ST18: variants seen among roughly 807,000 people sequenced by gnomAD.
The protein encoded by ST18 is suppression of tumorigenicity 18 protein.
ST18 carries 50 observed loss-of-function variants against 110.0 expected under a neutral mutation model. The observed-to-expected ratio is 0.45, with a 90% CI of 0.36 to 0.58. ST18 has a LOEUF of 0.58. ST18 is among the 20% of genes least tolerant of loss of function. The pLI is 0.00. For missense variants in ST18, 1,306 were observed against 1,280.1 expected, an observed-to-expected ratio of 1.02 and a Z score of -0.31; for synonymous variants, 461 against 452.4, an observed-to-expected ratio of 1.02 and a Z score of -0.24.
intron 18 of ST18, among the ~76,000 whole-genome samples, chr8:52,137,006 G>A (rs1056131845): frequency 2.0e-5 from 3 of 152,190 alleles, no homozygotes; most frequent in African/African-American, 7.2e-5. Context: ...TCCCATCAAT[G>A]GAGATGGTGA....
At chr8:52,229,039 G>T (rs1258154713) in intron 3 of ST18, among the ~76,000 whole-genome samples, 2 of 152,130 alleles carry the variant, frequency 1.3e-5, no homozygotes, top group Non-Finnish European at 2.9e-5. Context: ...CTCTGAGTTG[G>T]CAATAACTAT....
At chr8:52,202,844 A>G (rs1468198356) in intron 8 of ST18, among the ~76,000 whole-genome samples, 2 of 152,232 alleles carry the variant, frequency 1.3e-5, no homozygotes, top group African/African-American at 4.8e-5. Context: ...TTGAAAAAAC[A>G]GAATTTGTTG....
At chr8:52,197,860 C>T (rs562131176) in intron 8 of ST18, among the ~76,000 whole-genome samples, 2 of 149,932 alleles carry the variant, frequency 1.3e-5, no homozygotes, top group South Asian at 4.2e-4. Flanking sequence ...GATAGAGACC[C>T]ACAGAGGGAA....
chr8:52,314,261 C>T (rs2095980715), intron 2 of ST18, among the ~76,000 whole-genome samples: 3 of 152,332 alleles, frequency 2.0e-5, no homozygotes, highest in South Asian at 2.1e-4. Flanking sequence ...AGTGGCATTG[C>T]CTCCAGGCCA....
chr8:52,161,101 A>T (rs956074969), intron 14 of ST18, among the ~76,000 whole-genome samples: 5 of 152,252 alleles, frequency 3.3e-5, no homozygotes, highest in Admixed American at 3.3e-4. Flanking sequence ...TTTCTTTAGA[A>T]TTATTGTACT....
At chr8:52,394,652 T>C (rs1255070758) in intron 2 of ST18, among the ~76,000 whole-genome samples, 1 of 152,228 alleles carries the variant, frequency 6.6e-6, no homozygotes, top group Non-Finnish European at 1.5e-5. Context: ...AGGGAAGTTA[T>C]AAAACAGCAT....
At chr8:52,135,681 T>G (rs2051893992) in intron 19 of ST18, among the ~76,000 whole-genome samples, 4 of 152,050 alleles carry the variant, frequency 2.6e-5, no homozygotes, top group Non-Finnish European at 4.4e-5. Flanking sequence ...ATTCCAAATT[T>G]TCATATCTGT....
intron 2 of ST18, among the ~76,000 whole-genome samples, chr8:52,321,589 G>A (rs747746096): frequency 2.7e-4 from 41 of 152,176 alleles, no homozygotes; most frequent in Non-Finnish European, 5.1e-4. Flanking sequence ...AGCTGTGAAA[G>A]GAGAACAGCC....
chr8:52,153,521 A>G (rs890032983), intron 15 of ST18, among the ~76,000 whole-genome samples: 11 of 152,216 alleles, frequency 7.2e-5, no homozygotes, highest in African/African-American at 2.7e-4. Context: ...AAAATATCTT[A>G]CTCTTACTAA....
At chr8:52,188,908 G>A (rs2134671308) in intron 8 of ST18, among the ~76,000 whole-genome samples, 1 of 152,348 alleles carries the variant, frequency 6.6e-6, no homozygotes. Flanking sequence ...GGTAGGACTT[G>A]CAGAAGCAGG....
At chr8:52,165,964 C>A (rs1271351381) in intron 11 of ST18, among the ~76,000 whole-genome samples, 1 of 152,162 alleles carries the variant, frequency 6.6e-6, no homozygotes, top group African/African-American at 2.4e-5. Flanking sequence ...TAGCTCACAG[C>A]GGGGCTGAGG....
At chr8:52,357,711 AT>A (rs1823635945) in intron 2 of ST18, among the ~76,000 whole-genome samples, 4 of 82,986 alleles carry the variant, frequency 4.8e-5, no homozygotes, top group Non-Finnish European at 8.3e-5. Context: ...ATATATATAT[AT>A]ATATATATAT....
intron 2 of ST18, among the ~76,000 whole-genome samples, chr8:52,372,084 T>A (rs540571413): frequency 6.6e-6 from 1 of 152,312 alleles, no homozygotes; most frequent in South Asian, 2.1e-4. Flanking sequence ...TCCTCGTATG[T>A]TGTTGCCCCT....
chr8:52,188,337 G>T (rs946664915), intron 8 of ST18, among the ~76,000 whole-genome samples: 2 of 152,188 alleles, frequency 1.3e-5, no homozygotes, highest in Non-Finnish European at 2.9e-5. Flanking sequence ...GGTTAGATAA[G>T]GGAGAAAATG....
chr8:52,388,520 T>G (rs888645080), intron 2 of ST18, among the ~76,000 whole-genome samples: 8 of 152,154 alleles, frequency 5.3e-5, no homozygotes, highest in Non-Finnish European at 1.2e-4. Flanking sequence ...GGTTTCCATC[T>G]GTGTTTTAAG....
chr8:52,334,724 C>T lies in ST18; in HGVS notation c.-465+74604G>A, dbSNP rs531634228. Among the ~76,000 whole-genome samples, 29 of 152,226 alleles carry T rather than the reference C, an allele frequency of 1.9e-4. No homozygotes were observed. In the South Asian group the frequency reaches 4.6e-3, roughly 24 times the overall value. ...GGAACTGTGAAAAAAAAAATGTTTT[C>T]CTTAAAGCTACCTCTGTATTTTCTC... On this transcript the variant is annotated intron_variant, in intron 2 of 25. Coordinates refer to ENST00000689386, the MANE Select transcript of ST18 (RefSeq NM_001352837.2).
intron 2 of ST18, among the ~76,000 whole-genome samples, chr8:52,291,374 T>C (rs1005461780): frequency 1.3e-5 from 2 of 152,208 alleles, no homozygotes; most frequent in African/African-American, 4.8e-5. Context: ...TGACTGCTTG[T>C]TAAGGGTTAT....
chr8:52,179,077 A>G (rs1290441952), intron 9 of ST18, among the ~76,000 whole-genome samples: 2 of 152,188 alleles, frequency 1.3e-5, no homozygotes, highest in Non-Finnish European at 2.9e-5. Context: ...TATTTAGTAT[A>G]TTTTGATTCC....
At chr8:52,362,152 A>G (rs35221828) in intron 2 of ST18, among the ~76,000 whole-genome samples, 30,065 of 152,148 alleles carry the variant, frequency 0.2, 5,615 homozygotes, top group African/African-American at 0.49. Flanking sequence ...ATTCAGGTTA[A>G]CCAACAGTTG....
Sources: gnomAD v4.1 joint callset for allele counts (sites outside exome capture counted in the v4.1 genomes callset) on GRCh38, gnomAD v4.1.1 for gene constraint, MANE v1.5 for transcripts, NCBI Gene and HGNC (gene_info 2026-07-23, HGNC 2026-07-21) for gene names.